NPAS2: variants seen among roughly 807,000 people sequenced by gnomAD.
NPAS2 encodes the protein neuronal PAS domain-containing protein 2.
In NPAS2, 23 loss-of-function variants were observed where a neutral mutation model predicts 107.5. The observed-to-expected ratio is 0.21, with a 90% confidence interval of 0.15 to 0.30. The LOEUF (loss-of-function observed/expected upper bound fraction) is 0.30. Ranked by LOEUF, NPAS2 falls within the 10% of genes least tolerant of loss-of-function variation. The pLI is 1.00. For synonymous variants in NPAS2, 403 were observed against 417.5 expected (o/e 0.97, Z 0.42); for missense variants, 756 against 1,043.3 (o/e 0.72, Z 3.79).
chr2:100,967,237 C>CTTTTT (rs58558247), intron 10 of NPAS2, among the ~76,000 whole-genome samples: 3 of 100,548 alleles, frequency 3.0e-5, no homozygotes, highest in African/African-American at 4.0e-5. Flanking sequence ...AGTCAGTGTC[C>CTTTTT]TTTTTTTTTT....
chr2:100,877,983 C>T (rs1388050019), intron 1 of NPAS2: 1 of 985,400 alleles, frequency 1.0e-6, no homozygotes, highest in Non-Finnish European at 1.2e-6. Flanking sequence ...AGTCTGGGGC[C>T]TGCAGAATTT....
intron 4 of NPAS2, among the ~76,000 whole-genome samples, chr2:100,934,655 C>T (rs1167589530): frequency 6.6e-6 from 1 of 152,174 alleles, no homozygotes; most frequent in Non-Finnish European, 1.5e-5. Flanking sequence ...CTGTGTCAGG[C>T]TTCTCTTCCA....
In NPAS2 at chr2:100,948,327, G is replaced by A. The variant is rs758532951; in HGVS notation, c.456G>A (p.Thr152=). 7 of 1,610,432 alleles carry A rather than the reference G, an allele frequency of 4.3e-6. No homozygotes were observed. Among genetic ancestry groups the A allele is most frequent in the Admixed American group, 3.4e-5 (2 of 59,620 alleles). ...YKILSSHMLV[T]DSPSPEYLKS... ...TCCTTTCTTCCCATATGCTTGTGAC[G>A]GATTCCCCCTCCCCAGAATACTTAA... is the stretch of plus-strand genomic sequence containing the variant. Residue 152 remains threonine (T), a synonymous_variant, in exon 6 of 21, where the codon ACG becomes ACA. Transcript: ENST00000335681.
intron 1 of NPAS2, among the ~76,000 whole-genome samples, chr2:100,888,017 A>C (rs1288388023): frequency 6.6e-6 from 1 of 152,122 alleles, no homozygotes; most frequent in Non-Finnish European, 1.5e-5. Context: ...GTGTGGTTGA[A>C]TCTGTTTGCC....
chr2:100,863,485 T>A (rs1238552145), intron 1 of NPAS2, among the ~76,000 whole-genome samples: 1 of 152,208 alleles, frequency 6.6e-6, no homozygotes, highest in Non-Finnish European at 1.5e-5. Flanking sequence ...CACAGATCTG[T>A]GCCCCATGTT....
chr2:100,818,787 G>A (rs1197137615), upstream of NPAS2, among the ~76,000 whole-genome samples: 1 of 152,254 alleles, frequency 6.6e-6, no homozygotes, highest in African/African-American at 2.4e-5. Context: ...GGAGCGCTGC[G>A]CCAGGCCAGG....
intron 15 of NPAS2, among the ~76,000 whole-genome samples, chr2:100,982,009 A>G (rs1677470318): frequency 1.3e-5 from 2 of 152,220 alleles, no homozygotes; most frequent in South Asian, 2.1e-4. Context: ...GCCTGCTGTC[A>G]TAGCCAGCCT....
At chr2:100,942,093 C>G (rs1674610288) in intron 5 of NPAS2, among the ~76,000 whole-genome samples, 1 of 152,092 alleles carries the variant, frequency 6.6e-6, no homozygotes, top group Non-Finnish European at 1.5e-5. Context: ...ATAACCCTAC[C>G]TTCCCCAAAG....
At chr2:100,899,087 G>A (rs899645016) in intron 1 of NPAS2, among the ~76,000 whole-genome samples, 4 of 152,144 alleles carry the variant, frequency 2.6e-5, no homozygotes, top group East Asian at 1.9e-4. Flanking sequence ...TGAGAAACTC[G>A]CAGAGCCAAG....
At chr2:100,862,811 G>A (rs569122250) in intron 1 of NPAS2, among the ~76,000 whole-genome samples, 1 of 152,240 alleles carries the variant, frequency 6.6e-6, no homozygotes, top group Non-Finnish European at 1.5e-5. Flanking sequence ...TTCCTTTTAC[G>A]GGAGTTGCTC....
intron 3 of NPAS2, 73 bp downstream of exon 3, chr2:100,925,367 G>A (rs780417150): frequency 6.5e-7 from 1 of 1,535,452 alleles, no homozygotes; most frequent in Non-Finnish European, 8.9e-7. Flanking sequence ...ACCAATCTGG[G>A]CTGCCTGGTT....
chr2:100,857,731 C>G (rs572015116), intron 1 of NPAS2, among the ~76,000 whole-genome samples: 4 of 152,234 alleles, frequency 2.6e-5, no homozygotes, highest in African/African-American at 9.6e-5. Context: ...TCTGTGCACC[C>G]GGCGTCTGCT....
chr2:100,982,223 C>T lies in NPAS2; in HGVS notation c.1483-8C>T. The T allele has an allele frequency of 1.2e-6, 2 of 1,613,702 alleles. No individual in the cohort carries two copies. The highest frequency in any genetic ancestry group is 1.7e-6 in the Non-Finnish European group (2 of 1,179,892). ...CATCTGATTATGTTTTTCGGCTCCACCTTGAAGTTTTCGGCACAGTTCAGC... is the reference window on the plus strand; with the variant it reads ...CATCTGATTATGTTTTTCGGCTCCATCTTGAAGTTTTCGGCACAGTTCAGC... On this transcript the variant is annotated splice_region_variant and splice_polypyrimidine_tract_variant and intron_variant, in intron 15 of 20. Coordinates refer to ENST00000335681, the MANE Select transcript of NPAS2 (RefSeq NM_002518.4).
chr2:100,842,100 C>CTA (rs1677472372), intron 1 of NPAS2, among the ~76,000 whole-genome samples: 1 of 152,122 alleles, frequency 6.6e-6, no homozygotes, highest in African/African-American at 2.4e-5. Context: ...CACACACACA[C>CTA]ACACACACAC....
intron 1 of NPAS2, chr2:100,823,419 G>T (rs948251450): frequency 2.0e-5 from 3 of 152,078 alleles, no homozygotes; most frequent in Non-Finnish European, 4.4e-5. Flanking sequence ...ACAATGGGTG[G>T]TTCCATTTGA....
At chr2:100,831,052 C>T (rs1404148040) in intron 1 of NPAS2, among the ~76,000 whole-genome samples, 1 of 152,146 alleles carries the variant, frequency 6.6e-6, no homozygotes, top group Non-Finnish European at 1.5e-5. Flanking sequence ...GTAATCCTAG[C>T]ACTTTGGGAG....
chr2:100,826,913 A>C (rs1426916990), intron 1 of NPAS2, among the ~76,000 whole-genome samples: 1 of 152,156 alleles, frequency 6.6e-6, no homozygotes, highest in South Asian at 2.1e-4. Context: ...TACCATTTAT[A>C]GTTTTCTATT....
rs561719883 is a variant in NPAS2, at chr2:100,929,327, A to G, written c.182-3583A>G. 2.6e-5 allele frequency among the ~76,000 whole-genome samples: 4 copies of G among 152,252 alleles called. No individual in the cohort carries two copies. The South Asian group carries it at 8.3e-4, about 32-fold the overall frequency. On this transcript the variant is annotated intron_variant, in intron 3 of 20. Transcript: ENST00000335681. ...CCCAGCAGCCTGTCTCCAGAGCCCA[A>G]CCTTTTAGCACTACACTCAATGGCT...
chr2:100,870,265 G>A (rs1336047922), intron 1 of NPAS2, among the ~76,000 whole-genome samples: 1 of 152,168 alleles, frequency 6.6e-6, no homozygotes, highest in African/African-American at 2.4e-5. Flanking sequence ...ATTCTTTTTA[G>A]CTGACTTCAG....
Sources: allele counts gnomAD v4.1 joint callset (sites outside exome capture counted in the v4.1 genomes callset), GRCh38; gene constraint gnomAD v4.1.1; transcripts MANE v1.5; gene names NCBI Gene and HGNC (gene_info 2026-07-23, HGNC 2026-07-21).